OR56A3: variants seen among roughly 807,000 people sequenced by gnomAD.
OR56A3 encodes olfactory receptor 56A3.
OR56A3 carries 23 observed loss-of-function variants against 17.5 expected under a neutral mutation model. That is an observed-to-expected ratio of 1.32 (90% CI 0.95 to 1.87). The LOEUF (loss-of-function observed/expected upper bound fraction) is 1.87, where lower values mean the gene tolerates loss of function less well. Ranked by LOEUF, OR56A3 falls within the 40% of genes most tolerant of loss-of-function variation. The probability of loss-of-function intolerance (pLI) is 0.00; values close to 1 mark genes in which losing one functional copy is unlikely to be tolerated. For missense variants in OR56A3, 366 were observed against 380.1 expected, an observed-to-expected ratio of 0.96 and a Z score of 0.31; for synonymous variants, 175 against 150.6, an observed-to-expected ratio of 1.16 and a Z score of -1.19.
chr11:6,010,589 G>C, the OR56A3 span, among the ~76,000 whole-genome samples: 2 of 152,194 alleles, frequency 1.3e-5, no homozygotes, highest in African/African-American at 4.8e-5. Flanking sequence ...GAAATTGCCA[G>C]TATCTTGATC....
At chr11:5,986,927 T>G in the OR56A3 span, 1 of 1,611,646 alleles carries the variant, frequency 6.2e-7, no homozygotes, top group Non-Finnish European at 8.5e-7. Flanking sequence ...GAAACCAAAG[T>G]CATGATTTCT....
At chr11:5,986,287 G>A in the OR56A3 span, 1 of 1,613,868 alleles carries the variant, frequency 6.2e-7, no homozygotes, top group Admixed American at 1.7e-5. Context: ...CAGCCCATAA[G>A]CTCGATTGAC....
At chr11:5,967,379 T>C in the OR56A3 span, among the ~76,000 whole-genome samples, 1 of 152,144 alleles carries the variant, frequency 6.6e-6, no homozygotes, top group Non-Finnish European at 1.5e-5. Flanking sequence ...TTCCAGTCAG[T>C]GAAACAGAAA....
chr11:5,994,497 G>A, the OR56A3 span: 16 of 775,250 alleles, frequency 2.1e-5, no homozygotes, highest in South Asian at 2.0e-4. Context: ...TGAGCTTGTA[G>A]GCCTTTTACT....
the OR56A3 span, among the ~76,000 whole-genome samples, chr11:5,997,431 C>T: frequency 6.6e-6 from 1 of 152,124 alleles, no homozygotes; most frequent in African/African-American, 2.4e-5. Flanking sequence ...TCAGACCTAC[C>T]CCCTCTGAGG....
chr11:5,976,232 TAGA>T, the OR56A3 span, among the ~76,000 whole-genome samples: 1 of 148,174 alleles, frequency 6.7e-6, no homozygotes, highest in Non-Finnish European at 1.5e-5. Flanking sequence ...GAAAAAGGAT[TAGA>T]AGAAAAAGGA....
intron 2 of OR56A3, 52 bp from the exon 3 acceptor site, chr11:5,947,259 C>A: frequency 8.2e-7 from 1 of 1,215,674 alleles, no homozygotes; most frequent in Non-Finnish European, 1.1e-6. Flanking sequence ...ACAAATTGTG[C>A]TATCTTTGTG....
the OR56A3 span, chr11:6,003,249 T>A: frequency 1.4e-6 from 1 of 712,102 alleles, no homozygotes; most frequent in Non-Finnish European, 2.2e-6. Context: ...GAGTAATTAA[T>A]ATTGTTATCC....
At chr11:5,962,779 T>C in the OR56A3 span, among the ~76,000 whole-genome samples, 12 of 152,038 alleles carry the variant, frequency 7.9e-5, no homozygotes, top group African/African-American at 2.4e-4. Flanking sequence ...ACCTCATGAT[T>C]CACCCGCCTC....
chr11:5,988,854 G>A, the OR56A3 span, among the ~76,000 whole-genome samples: 1 of 152,242 alleles, frequency 6.6e-6, no homozygotes, highest in African/African-American at 2.4e-5. Context: ...ATGTAGGTAT[G>A]TTTGTCTTAA....
chr11:6,000,807 C>T, the OR56A3 span: 3 of 151,904 alleles, frequency 2.0e-5, no homozygotes, highest in African/African-American at 4.8e-5. Flanking sequence ...TAAGATAAGT[C>T]GAAAGTATGT....
chr11:5,958,652 T>C, the OR56A3 span, among the ~76,000 whole-genome samples: 1 of 152,148 alleles, frequency 6.6e-6, no homozygotes, highest in Non-Finnish European at 1.5e-5. Flanking sequence ...TCCACTCTCT[T>C]TGGGCTTTTC....
At chr11:5,947,044 TC>T (rs1170079889) in intron 2 of OR56A3, among the ~76,000 whole-genome samples, 1 of 147,926 alleles carries the variant, frequency 6.8e-6, no homozygotes, top group African/African-American at 2.5e-5. Flanking sequence ...AAGTGTTTTC[TC>T]CTTTTTAGTT....
At position 5,949,300 on chromosome 11, in the gene OR56A3, A is replaced by C. The variant is rs559981306; in HGVS notation, c.*1006A>C. The C allele has an allele frequency of 7.2e-5, 11 of 152,330 alleles. No individual in the cohort carries two copies. Among genetic ancestry groups the C allele is most frequent in the African/African-American group, 1.2e-4 (5 of 41,586 alleles). 9.4% of individuals were successfully genotyped at this position (152,330 alleles called of 1,614,324 possible). A position where few individuals can be genotyped will look rare whatever the true frequency, so the allele number is the denominator to read the frequency against. On this transcript the variant is annotated 3_prime_UTR_variant, in exon 3 of 3. Coordinates refer to ENST00000641160, the MANE Select transcript of OR56A3 (RefSeq NM_001003443.3). ...TATGCACTCCAGAACACATTCTTCT[A>C]AACTGTAGAGCAGTGAGGAATGGGA... is the stretch of plus-strand genomic sequence containing the variant.
rs752609308 is a variant in OR56A3, at chr11:5,947,665, A to C, written c.319A>C (p.Ile107Leu). 1 of 1,614,186 alleles carries C rather than the reference A, an allele frequency of 6.2e-7. No homozygotes were observed. Among genetic ancestry groups the C allele is most frequent in the Non-Finnish European group, 8.5e-7 (1 of 1,180,028 alleles). ...SFPACFLQMY[I>L]MNCFLAMESC... ...CCCTGCCTGCTTCCTCCAGATGTACATCATGAATTGTTTCCTAGCCATGGA... is the reference window on the plus strand; with the variant it reads ...CCCTGCCTGCTTCCTCCAGATGTACCTCATGAATTGTTTCCTAGCCATGGA... The change falls in exon 3 of 3, where the codon ATC becomes CTC. Residue 107 changes from isoleucine to leucine, a missense_variant. Coordinates refer to ENST00000641160, the MANE Select transcript of OR56A3 (RefSeq NM_001003443.3).
the OR56A3 span, chr11:5,985,834 T>C: frequency 9.7e-7 from 1 of 1,029,326 alleles, no homozygotes; most frequent in Non-Finnish European, 1.4e-6. Flanking sequence ...CTAGAAGGAA[T>C]ACTCACTGCA....
the OR56A3 span, chr11:5,986,762 A>C: frequency 1.2e-6 from 2 of 1,613,962 alleles, no homozygotes; most frequent in Non-Finnish European, 1.7e-6. Flanking sequence ...TTGCCCACTA[A>C]AGCAAGGAGG....
At chr11:5,946,161 A>G (rs1451964604) in intron 2 of OR56A3, among the ~76,000 whole-genome samples, 2 of 152,196 alleles carry the variant, frequency 1.3e-5, no homozygotes. Flanking sequence ...TTTAATGTAA[A>G]TGTGGGTACC....
the OR56A3 span, among the ~76,000 whole-genome samples, chr11:5,989,213 A>G: frequency 6.6e-6 from 1 of 152,204 alleles, no homozygotes; most frequent in Non-Finnish European, 1.5e-5. Context: ...CCACATAGAG[A>G]GAAAGTCCAT....
Sources: allele counts gnomAD v4.1 joint callset (sites outside exome capture counted in the v4.1 genomes callset), GRCh38; gene constraint gnomAD v4.1.1; transcripts MANE v1.5; gene names NCBI Gene and HGNC (gene_info 2026-07-23, HGNC 2026-07-21).